CRIM1: variants seen among roughly 807,000 people sequenced by gnomAD.
CRIM1 encodes cysteine-rich motor neuron 1 protein.
In CRIM1, 32 loss-of-function variants were observed where a neutral mutation model predicts 116.4. That is an observed-to-expected ratio of 0.27 (90% CI 0.21 to 0.37). The LOEUF (loss-of-function observed/expected upper bound fraction) is 0.37. CRIM1 is among the 10% of genes least tolerant of loss of function. The pLI is 1.00. For synonymous variants in CRIM1, 590 were observed against 509.2 expected (o/e 1.16, Z -2.13); for missense variants, 1,331 against 1,354.8 (o/e 0.98, Z 0.28).
In CRIM1 at chr2:36,537,481, G is replaced by C. The variant is rs1666632349; in HGVS notation, c.2558G>C (p.Ser853Thr). The change falls in exon 14 of 17, where the codon AGC becomes ACC. Residue 853 changes from serine to threonine, a missense_variant. By Grantham distance (58) the Ser-to-Thr change is moderately conservative (BLOSUM62 1). Around this residue, in one of 3 missense-constraint regions of CRIM1, gnomAD observed 283 missense variants for 242.8 expected, o/e 1.17. Coordinates refer to ENST00000280527, the MANE Select transcript of CRIM1 (RefSeq NM_016441.3). ...LQGQTLCSTV[S>T]CPPLPCVEPI... ...GGCCAGACCCTCTGCTCGACCGTCA[G>C]CTGCCCCCCTCTGCCCTGTGTTGAG... is the stretch of plus-strand genomic sequence containing the variant. The C allele has an allele frequency of 1.2e-6, 2 of 1,614,196 alleles. No homozygotes were observed. The highest frequency in any genetic ancestry group is 1.3e-5 in the African/African-American group (1 of 75,072).
chr2:36,420,220 T>C (rs1251317332), intron 2 of CRIM1, among the ~76,000 whole-genome samples: 1 of 152,220 alleles, frequency 6.6e-6, no homozygotes, highest in East Asian at 1.9e-4. Context: ...ACAAATCTCC[T>C]ATTTTTGAGA....
chr2:36,544,472 A>T lies in CRIM1; in HGVS notation c.2720A>T (p.Glu907Val). 2.2e-6 allele frequency: 3 copies of T among 1,387,608 alleles called. No individual in the cohort carries two copies. The highest frequency in any genetic ancestry group is 2.8e-6 in the Non-Finnish European group (3 of 1,064,794). The allele number at this position is 1,387,608 out of a possible 1,614,324, so 86.0% of individuals were successfully genotyped here. A position where few individuals can be genotyped will look rare whatever the true frequency, so the allele number is the denominator to read the frequency against. ...GTTCCCCTGTGGCCCACGCCTAGTGAAAATGATATCGTCCATCTCCCTAGA... is the reference window on the plus strand; with the variant it reads ...GTTCCCCTGTGGCCCACGCCTAGTGTAAATGATATCGTCCATCTCCCTAGA... ...LEVPLWPTPS[E>V]NDIVHLPRDM... is the part of the protein sequence containing the mutation. The change falls in exon 15 of 17, where the codon GAA (glutamate) becomes GTA (valine). Residue 907 changes from glutamate to valine, a missense_variant. Around this residue, in one of 3 missense-constraint regions of CRIM1, gnomAD observed 283 missense variants for 242.8 expected, o/e 1.17. Coordinates refer to ENST00000280527, the MANE Select transcript of CRIM1 (RefSeq NM_016441.3).
At chr2:36,404,313 G>A (rs189489254) in intron 2 of CRIM1, among the ~76,000 whole-genome samples, 202 of 152,288 alleles carry the variant, frequency 1.3e-3, no homozygotes, top group Non-Finnish European at 2.4e-3. Flanking sequence ...GCCTTTAAAA[G>A]TATCTGACTA....
At chr2:36,398,280 C>T (rs2148383040) in intron 2 of CRIM1, among the ~76,000 whole-genome samples, 1 of 152,244 alleles carries the variant, frequency 6.6e-6, no homozygotes, top group African/African-American at 2.4e-5. Flanking sequence ...ACTCAGGCCC[C>T]CTTCCAGGTC....
chr2:36,387,490 A>G (rs1198697904), intron 1 of CRIM1, among the ~76,000 whole-genome samples: 1 of 152,208 alleles, frequency 6.6e-6, no homozygotes, highest in Non-Finnish European at 1.5e-5. Context: ...CTGATCTAGC[A>G]CAGCACAAAC....
intron 1 of CRIM1, among the ~76,000 whole-genome samples, chr2:36,367,406 C>T (rs761481562): frequency 7.2e-5 from 11 of 152,130 alleles, no homozygotes; most frequent in Non-Finnish European, 1.2e-4. Flanking sequence ...GAGAAAAAAA[C>T]AGCCATGGCT....
chr2:36,535,394 G>A (rs1666475307), intron 13 of CRIM1, among the ~76,000 whole-genome samples: 1 of 152,152 alleles, frequency 6.6e-6, no homozygotes, highest in Admixed American at 6.5e-5. Flanking sequence ...TCTATCATGA[G>A]TTTCTTTTGA....
intron 8 of CRIM1, among the ~76,000 whole-genome samples, chr2:36,502,965 C>G (rs1681107345): frequency 6.6e-6 from 1 of 152,246 alleles, no homozygotes; most frequent in Admixed American, 6.5e-5. Flanking sequence ...ATCTCGCTCA[C>G]TGCCCCACTG....
At chr2:36,513,797 A>G (rs564567268) in intron 11 of CRIM1, 32 bp downstream of exon 11, 1 of 1,594,588 alleles carries the variant, frequency 6.3e-7, no homozygotes, top group South Asian at 1.1e-5. Flanking sequence ...TGTGCTCCAT[A>G]AGCAAATGAC....
chr2:36,491,424 G>C (rs911003096), intron 7 of CRIM1, among the ~76,000 whole-genome samples: 2 of 152,132 alleles, frequency 1.3e-5, no homozygotes, highest in African/African-American at 4.8e-5. Context: ...CATTTATTGT[G>C]TACCTCCTAT....
rs1235050344 is a variant in CRIM1, at chr2:36,549,891, G to A, written c.*1190G>A. On this transcript the variant is annotated 3_prime_UTR_variant, in exon 17 of 17. Coordinates refer to ENST00000280527, the MANE Select transcript of CRIM1 (RefSeq NM_016441.3). ...CACATACAATTTATGTTTTCCTGTT[G>A]AATGTATTTTTATGAGATTTTAACC... 6.6e-6 allele frequency: 1 copy of A among 152,072 alleles called. No homozygotes were observed. Among genetic ancestry groups the A allele is most frequent in the Non-Finnish European group, 1.5e-5 (1 of 67,940 alleles). The allele number at this position is 152,072 out of a possible 1,614,324, so 9.4% of individuals were successfully genotyped here. A position where few individuals can be genotyped will look rare whatever the true frequency, so the allele number is the denominator to read the frequency against.
chr2:36,463,766 GAGCCAGCAC>G (rs146246425), intron 4 of CRIM1, among the ~76,000 whole-genome samples: 2,068 of 152,286 alleles, frequency 0.014, 50 homozygotes, highest in African/African-American at 0.048. Context: ...TTAGGGGTGA[GAGCCAGCAC>G]AGCCAGCTTG....
rs80299703 is a variant in CRIM1 at position 36,539,816 on chromosome 2, A to G, written c.2623+2270A>G. ...TAGCTTGAAATAGTCATTCAGCATC[A>G]AAGTGGAGCTAATGAATAGACAAAT... is the stretch of plus-strand genomic sequence containing the variant. On this transcript the variant is annotated intron_variant, in intron 14 of 16. Transcript: ENST00000280527. Among the ~76,000 whole-genome samples the G allele has an allele frequency of 8.8e-3, 1,338 of 152,288 alleles. 19 individuals are homozygous for G. Among genetic ancestry groups the G allele is most frequent in the African/African-American group, 0.031 (1,280 of 41,542 alleles).
At chr2:36,397,511 A>G (rs769204355) in intron 2 of CRIM1, among the ~76,000 whole-genome samples, 12 of 152,156 alleles carry the variant, frequency 7.9e-5, no homozygotes, top group Admixed American at 3.3e-4. Flanking sequence ...GCCGCTAACC[A>G]GCATTAAACT....
At chr2:36,449,367 G>A (rs1440766736) in intron 4 of CRIM1, among the ~76,000 whole-genome samples, 1 of 152,096 alleles carries the variant, frequency 6.6e-6, no homozygotes, top group East Asian at 1.9e-4. Flanking sequence ...CTCACCACCA[G>A]GCCCTCTCCA....
rs12997487 is a variant in CRIM1 at position 36,509,985 on chromosome 2, G to A, written c.1504G>A (p.Glu502Lys). The A allele has an allele frequency of 0.012, 18,982 of 1,613,294 alleles. 150 individuals carry two copies. Among genetic ancestry groups the A allele is most frequent in the Non-Finnish European group, 0.014 (16,664 of 1,179,578 alleles). ...GCRTCQCINT[E>K]ELCSERKQGC... ...ATGCCGTCTCTGTGTCTTCACAGCC[G>A]AGGAACTATGTTCAGAACGTAAACA... The change falls in exon 9 of 17, where the codon GAG becomes AAG. Residue 502 changes from glutamate (E) to lysine (K), a missense_variant and splice_region_variant. Glu to Lys is a moderately conservative substitution (Grantham distance 56). Around this residue, in one of 3 missense-constraint regions of CRIM1, gnomAD observed 690 missense variants for 676.0 expected, o/e 1.02. Coordinates refer to ENST00000280527, the MANE Select transcript of CRIM1 (RefSeq NM_016441.3).
At chr2:36,469,924 T>G (rs1439692538) in intron 5 of CRIM1, among the ~76,000 whole-genome samples, 2 of 152,130 alleles carry the variant, frequency 1.3e-5, no homozygotes, top group African/African-American at 4.8e-5. Context: ...ATGCTTGGTG[T>G]CCTCCAGCAC....
chr2:36,546,079 C>T (rs1173851812), intron 15 of CRIM1, among the ~76,000 whole-genome samples: 1 of 152,170 alleles, frequency 6.6e-6, no homozygotes, highest in African/African-American at 2.4e-5. Context: ...TACCACAAAG[C>T]TCTGTCACTT....
At chr2:36,438,758 G>A (rs1310996588) in intron 2 of CRIM1, among the ~76,000 whole-genome samples, 3 of 152,154 alleles carry the variant, frequency 2.0e-5, no homozygotes, top group Non-Finnish European at 4.4e-5. Flanking sequence ...ATCAGCTGAT[G>A]ACTCAGGATC....
Sources: gnomAD v4.1 joint callset for allele counts (sites outside exome capture counted in the v4.1 genomes callset) on GRCh38, gnomAD v4.1.1 for gene constraint, gnomAD v4.1.1 regional missense constraint, MANE v1.5 for transcripts, NCBI Gene and HGNC (gene_info 2026-07-23, HGNC 2026-07-21) for gene names.